Variants in PLCL1 observed in about 807,000 individuals in gnomAD.
PLCL1 encodes the protein inactive phospholipase C-like protein 1.
In PLCL1, 41 loss-of-function variants were observed where a neutral mutation model predicts 84.4. The observed-to-expected ratio is 0.49, with a 90% CI of 0.38 to 0.63. The LOEUF is 0.63. Ranked by LOEUF, PLCL1 falls within the 30% of genes least tolerant of loss-of-function variation. The probability of loss-of-function intolerance (pLI) is 0.00; values close to 1 mark genes in which losing one functional copy is unlikely to be tolerated. For synonymous variants in PLCL1, 490 were observed against 488.3 expected (o/e 1.00, Z -0.05); for missense variants, 1,206 against 1,367.8 (o/e 0.88, Z 1.87).
intron 1 of PLCL1, among the ~76,000 whole-genome samples, chr2:198,006,265 T>C (rs1690726544): frequency 6.6e-6 from 1 of 152,186 alleles, no homozygotes. Flanking sequence ...TTTCTGAAGA[T>C]GGGCAGCTCC....
chr2:198,063,419 C>T (rs1352648228), intron 1 of PLCL1, among the ~76,000 whole-genome samples: 1 of 152,032 alleles, frequency 6.6e-6, no homozygotes, highest in African/African-American at 2.4e-5. Flanking sequence ...TAATCAGAAG[C>T]AAACTCAAAG....
chr2:198,008,576 T>C (rs977979284), intron 1 of PLCL1, among the ~76,000 whole-genome samples: 1 of 151,936 alleles, frequency 6.6e-6, no homozygotes, highest in East Asian at 1.9e-4. Context: ...CCATTGTATA[T>C]ATTTACATTT....
At chr2:198,033,205 GT>G in intron 1 of PLCL1, among the ~76,000 whole-genome samples, 1 of 152,314 alleles carries the variant, frequency 6.6e-6, no homozygotes, top group South Asian at 2.1e-4. Context: ...AGACTATGCA[GT>G]GCATTTGACA....
chr2:198,047,464 G>A (rs1489988603), intron 1 of PLCL1, among the ~76,000 whole-genome samples: 1 of 152,088 alleles, frequency 6.6e-6, no homozygotes, highest in Non-Finnish European at 1.5e-5. Context: ...ATATAGGCAT[G>A]AGCCACCACG....
intron 1 of PLCL1, among the ~76,000 whole-genome samples, chr2:197,962,038 T>C (rs1689634207): frequency 1.3e-5 from 2 of 152,082 alleles, no homozygotes; most frequent in African/African-American, 4.8e-5. Flanking sequence ...AGTAAAGTTG[T>C]TTTTAATGAG....
At chr2:197,906,541 A>T (rs1157079744) in intron 1 of PLCL1, among the ~76,000 whole-genome samples, 1 of 152,054 alleles carries the variant, frequency 6.6e-6, no homozygotes, top group Non-Finnish European at 1.5e-5. Flanking sequence ...TCTTGGCTAT[A>T]CTGGCTCTTC....
intron 5 of PLCL1, among the ~76,000 whole-genome samples, chr2:198,128,141 C>A (rs1294303693): frequency 1.3e-5 from 2 of 152,036 alleles, no homozygotes; most frequent in African/African-American, 4.8e-5. Flanking sequence ...ATATTGTAAA[C>A]CAAAAATAAA....
intron 1 of PLCL1, among the ~76,000 whole-genome samples, chr2:197,902,706 T>G (rs1688291086): frequency 6.6e-6 from 1 of 152,194 alleles, no homozygotes; most frequent in Non-Finnish European, 1.5e-5. Flanking sequence ...CATACATGTG[T>G]ATGCTGAGAC....
chr2:198,067,473 A>G (rs931953391), intron 1 of PLCL1, among the ~76,000 whole-genome samples: 3 of 152,020 alleles, frequency 2.0e-5, no homozygotes, highest in African/African-American at 4.8e-5. Flanking sequence ...GTAATATAGC[A>G]CTGTTGGGAA....
intron 1 of PLCL1, among the ~76,000 whole-genome samples, chr2:197,836,629 C>T (rs996054092): frequency 6.6e-6 from 1 of 152,034 alleles, no homozygotes; most frequent in Non-Finnish European, 1.5e-5. Flanking sequence ...ATTTAAACTA[C>T]CCAAATAATC....
rs59072078 is a variant in PLCL1, at chr2:198,126,224, A to G, written c.3106-20556A>G. Among the ~76,000 whole-genome samples the G allele has an allele frequency of 6.7e-3, 1,015 of 151,974 alleles. 10 individuals are homozygous for G. Among genetic ancestry groups the G allele is most frequent in the African/African-American group, 0.022 (912 of 41,414 alleles). On this transcript the variant is annotated intron_variant, in intron 5 of 5. Transcript: ENST00000428675. The stretch of plus-strand genomic sequence containing the variant: ...ATATCCCATGTGTGTGCTTGCCTCT[A>G]TGTCTCTGCATACACCATTTCTCTT...
intron 1 of PLCL1, among the ~76,000 whole-genome samples, chr2:198,052,118 G>A (rs964555310): frequency 6.6e-6 from 1 of 152,166 alleles, no homozygotes; most frequent in Non-Finnish European, 1.5e-5. Context: ...CTCCATGTTG[G>A]CCAGGCTGGT....
At chr2:197,818,820 C>T (rs1690745077) in intron 1 of PLCL1, among the ~76,000 whole-genome samples, 1 of 152,050 alleles carries the variant, frequency 6.6e-6, no homozygotes, top group Non-Finnish European at 1.5e-5. Flanking sequence ...GCCCCTGATG[C>T]TCTCCTGTTT....
intron 1 of PLCL1, among the ~76,000 whole-genome samples, chr2:197,994,671 C>G (rs553468732): frequency 6.6e-6 from 1 of 152,084 alleles, no homozygotes; most frequent in Non-Finnish European, 1.5e-5. Flanking sequence ...GTAAGGTGTG[C>G]CTAAATTAAA....
intron 1 of PLCL1, among the ~76,000 whole-genome samples, chr2:198,068,949 G>A (rs78983359): frequency 6.6e-6 from 1 of 151,828 alleles, no homozygotes; most frequent in East Asian, 1.9e-4. Context: ...GCAGGAGAAT[G>A]GCGTGAACCC....
At chr2:198,033,620 A>T (rs1541953) in intron 1 of PLCL1, among the ~76,000 whole-genome samples, 63,773 of 152,042 alleles carry the variant, frequency 0.42, 14,283 homozygotes, top group Middle Eastern at 0.62. Context: ...GAGTACCCTT[A>T]AGCCCAAACT....
chr2:197,852,662 T>C (rs1437210278), intron 1 of PLCL1, among the ~76,000 whole-genome samples: 1 of 152,174 alleles, frequency 6.6e-6, no homozygotes, highest in Non-Finnish European at 1.5e-5. Flanking sequence ...TGCTAATTAA[T>C]GTTATAATTC....
chr2:198,085,816 A>T lies in PLCL1; in HGVS notation c.2299A>T (p.Lys767Ter). ...AGCGGATTGTTCGGAACAAAGAACT[A>T]AAACTGTACAGCAAAACAGTGATAA... ...IPADCSEQRT[K>*]TVQQNSDNPI... is the part of the protein sequence containing the mutation. Residue 767 changes from lysine (K) to a stop codon, truncating the protein, a stop_gained, in exon 2 of 6, where the codon AAA becomes TAA. Transcript: ENST00000428675. LOFTEE classifies it high-confidence loss of function. This position sits in a 1 kb window ranked among gnomAD's most constrained non-coding sequence, Gnocchi z 5.3. 1.2e-6 allele frequency: 2 copies of T among 1,614,200 alleles called. No individual in the cohort carries two copies. Among genetic ancestry groups the T allele is most frequent in the Non-Finnish European group, 1.7e-6 (2 of 1,180,006 alleles).
Position 198,084,337 on chromosome 2 carries a change from A to C in PLCL1, c.820A>C (p.Thr274Pro), listed in dbSNP as rs146525330. 1 of 1,613,824 alleles carries C rather than the reference A, an allele frequency of 6.2e-7. No individual in the cohort carries two copies. Among genetic ancestry groups the C allele is most frequent in the South Asian group, 1.1e-5 (1 of 91,078 alleles). ...SVELIKQLNP[T>P]LKEAKIRLKF... ...AGAGTTAATAAAACAACTCAACCCT[A>C]CTCTGAAGGAAGCCAAGATCAGGTT... is the stretch of plus-strand genomic sequence containing the variant. Residue 274 changes from threonine (T) to proline (P), a missense_variant, in exon 2 of 6, where the codon ACT (threonine) becomes CCT (proline). Thr to Pro is a conservative substitution (Grantham distance 38). Coordinates refer to ENST00000428675, the MANE Select transcript of PLCL1 (RefSeq NM_006226.4).
Sources: gnomAD v4.1 joint callset for allele counts (sites outside exome capture counted in the v4.1 genomes callset) on GRCh38, gnomAD v4.1.1 for gene constraint, Gnocchi (gnomAD v3.1) non-coding constraint, MANE v1.5 for transcripts, NCBI Gene and HGNC (gene_info 2026-07-23, HGNC 2026-07-21) for gene names.